Variants in XRCC5 observed in about 807,000 individuals in gnomAD.
XRCC5 encodes DNA repair protein Ku80.
Under a neutral mutation model 95.7 loss-of-function variants are expected in XRCC5, and 12 were observed. That is an observed-to-expected ratio of 0.13 (90% CI 0.08 to 0.20). XRCC5 has a LOEUF of 0.20. Among genes scored for constraint, XRCC5 ranks in the 10% least tolerant of loss-of-function variants. The pLI is 1.00. For missense variants in XRCC5, 595 were observed against 873.9 expected (o/e 0.68, Z 4.02); for synonymous variants, 281 against 290.3 (o/e 0.97, Z 0.33).
intron 19 of XRCC5, among the ~76,000 whole-genome samples, chr2:216,203,077 C>G (rs1190586757): frequency 2.6e-5 from 4 of 152,174 alleles, no homozygotes; most frequent in Admixed American, 6.5e-5. Flanking sequence ...AGAATGGCAG[C>G]TCTTACCATT....
At chr2:216,157,196 T>G (rs1053803935) in intron 14 of XRCC5, among the ~76,000 whole-genome samples, 1 of 151,938 alleles carries the variant, frequency 6.6e-6, no homozygotes, top group Non-Finnish European at 1.5e-5. Flanking sequence ...ACCTTATGCT[T>G]TAACCCAATA....
intron 14 of XRCC5, among the ~76,000 whole-genome samples, chr2:216,150,669 G>C (rs1361489068): frequency 6.6e-6 from 1 of 152,130 alleles, no homozygotes; most frequent in African/African-American, 2.4e-5. Flanking sequence ...AGATAACCGA[G>C]GTCAGGAGTT....
At chr2:216,155,310 ATT>A (rs1366656962) in intron 14 of XRCC5, among the ~76,000 whole-genome samples, 1 of 151,998 alleles carries the variant, frequency 6.6e-6, no homozygotes, top group African/African-American at 2.4e-5. Flanking sequence ...TCAAAAAATA[ATT>A]TTTCAATTTT....
chr2:216,127,493 A>C, intron 7 of XRCC5, 43 bp from the exon 8 acceptor site: 1 of 1,556,544 alleles, frequency 6.4e-7, no homozygotes, highest in Non-Finnish European at 8.6e-7. Context: ...ATCAATTGGA[A>C]TCCTAACTTT....
At chr2:216,136,084 C>T (rs769471093) in intron 10 of XRCC5, among the ~76,000 whole-genome samples, 17 of 152,018 alleles carry the variant, frequency 1.1e-4, no homozygotes, top group Admixed American at 3.3e-4. Flanking sequence ...AGGCCTGGTG[C>T]GGTGGCTCAC....
intron 6 of XRCC5, among the ~76,000 whole-genome samples, chr2:216,124,680 C>G (rs901025182): frequency 3.3e-5 from 5 of 152,156 alleles, no homozygotes; most frequent in African/African-American, 1.2e-4. Context: ...ACCTGTCTGT[C>G]CATAACTCTG....
chr2:216,156,104 G>C (rs1280885813), intron 14 of XRCC5, among the ~76,000 whole-genome samples: 1 of 152,122 alleles, frequency 6.6e-6, no homozygotes, highest in African/African-American at 2.4e-5. Context: ...ACACTAATCT[G>C]CCCTAGTTAT....
intron 17 of XRCC5, among the ~76,000 whole-genome samples, chr2:216,191,734 A>G (rs1373283297): frequency 6.6e-6 from 1 of 152,110 alleles, no homozygotes; most frequent in African/African-American, 2.4e-5. Flanking sequence ...TGAACTGTAA[A>G]AAGATTAAGT....
chr2:216,120,824 C>T (rs1415381982), intron 5 of XRCC5, among the ~76,000 whole-genome samples: 1 of 152,204 alleles, frequency 6.6e-6, no homozygotes, highest in East Asian at 1.9e-4. Flanking sequence ...CAACCTCCGC[C>T]TCCCAGGCTC....
intron 5 of XRCC5, among the ~76,000 whole-genome samples, 180 bp from the exon 6 acceptor site, chr2:216,121,882 C>G (rs573128150): frequency 6.6e-6 from 1 of 152,318 alleles, no homozygotes; most frequent in East Asian, 1.9e-4. Context: ...TCCCCTTTTA[C>G]AAACCAAAGA....
At chr2:216,141,631 T>G (rs1250331689) in intron 13 of XRCC5, among the ~76,000 whole-genome samples, 2 of 146,874 alleles carry the variant, frequency 1.4e-5, no homozygotes, top group Non-Finnish European at 3.0e-5. Context: ...TGGAGTGCAG[T>G]GTTGTGATCA....
intron 13 of XRCC5, among the ~76,000 whole-genome samples, chr2:216,143,184 T>C (rs1458667677): frequency 6.6e-6 from 1 of 152,234 alleles, no homozygotes; most frequent in African/African-American, 2.4e-5. Context: ...TGAGTATCGC[T>C]TTCACACTGT....
Position 216,160,082 on chromosome 2 carries a change from C to G in XRCC5, c.1685C>G (p.Pro562Arg). 2.5e-6 allele frequency: 4 copies of G among 1,597,224 alleles called. No homozygotes were observed. The highest frequency in any genetic ancestry group is 3.4e-6 in the Non-Finnish European group (4 of 1,171,608). The change falls in exon 15 of 21, where the codon CCT (proline) becomes CGT (arginine). Residue 562 changes from proline (P) to arginine (R), a missense_variant. Transcript: ENST00000392132. Reference protein sequence around the residue: ...EIFQDNHEDGPTAKKLKTEQG... With the variant: ...EIFQDNHEDGRTAKKLKTEQG... The stretch of plus-strand genomic sequence containing the variant: ...TTCTTTTCTAGCCATGAAGATGGAC[C>G]TACAGCTAAAAAATTAAAGACTGAG...
At chr2:216,158,754 T>C (rs988902107) in intron 14 of XRCC5, among the ~76,000 whole-genome samples, 5 of 152,190 alleles carry the variant, frequency 3.3e-5, no homozygotes. Context: ...ATAGTGAAAA[T>C]TTTAATTCAT....
intron 16 of XRCC5, among the ~76,000 whole-genome samples, chr2:216,172,542 C>T (rs549028086): frequency 1.4e-5 from 2 of 144,922 alleles, no homozygotes; most frequent in Admixed American, 7.0e-5. Flanking sequence ...GATCCTAGCT[C>T]ACTGTAGCCT....
chr2:216,156,635 A>G (rs1688847884), intron 14 of XRCC5: 1 of 559,842 alleles, frequency 1.8e-6, no homozygotes, highest in Non-Finnish European at 3.6e-6. Context: ...ATCTGCCTAC[A>G]TATAGTGACC....
intron 17 of XRCC5, among the ~76,000 whole-genome samples, chr2:216,191,707 G>A (rs1427238995): frequency 1.3e-5 from 2 of 152,084 alleles, no homozygotes; most frequent in African/African-American, 4.8e-5. Context: ...CACTGCGCCC[G>A]GCCAAGGGAT....
At chr2:216,122,627 G>A (rs1217314494) in intron 6 of XRCC5, among the ~76,000 whole-genome samples, 1 of 150,772 alleles carries the variant, frequency 6.6e-6, no homozygotes, top group African/African-American at 2.4e-5. Context: ...ATTAATTATA[G>A]AAAGTGGTCT....
At chr2:216,121,936 TA>T in intron 5 of XRCC5, 125 bp from the exon 6 acceptor site, 1 of 838,816 alleles carries the variant, frequency 1.2e-6, no homozygotes. Context: ...CTAAGGTAGG[TA>T]AGAGTCGTTT....
Sources: gnomAD v4.1 joint callset for allele counts (sites outside exome capture counted in the v4.1 genomes callset) on GRCh38, gnomAD v4.1.1 for gene constraint, MANE v1.5 for transcripts, NCBI Gene and HGNC (gene_info 2026-07-23, HGNC 2026-07-21) for gene names.